Variants in TAF3 observed in about 807,000 individuals in gnomAD.
TAF3 encodes transcription initiation factor TFIID subunit 3.
TAF3 carries 7 observed loss-of-function variants against 80.6 expected under a neutral mutation model. The observed-to-expected ratio is 0.09, with a 90% CI of 0.05 to 0.16. The LOEUF (loss-of-function observed/expected upper bound fraction) is 0.16. TAF3 is among the 10% of genes least tolerant of loss of function. The pLI is 1.00. For synonymous variants in TAF3, 444 were observed against 446.1 expected, an observed-to-expected ratio of 1.00 and a Z score of 0.06; for missense variants, 921 against 1,140.2, an observed-to-expected ratio of 0.81 and a Z score of 2.77.
At chr10:7,848,240 G>A (rs1050144236) in intron 2 of TAF3, among the ~76,000 whole-genome samples, 1 of 152,080 alleles carries the variant, frequency 6.6e-6, no homozygotes, top group Non-Finnish European at 1.5e-5. Context: ...AGATTTAATG[G>A]CATTATTACA....
intron 4 of TAF3, among the ~76,000 whole-genome samples, chr10:7,990,979 C>T (rs1478293391): frequency 6.6e-6 from 1 of 152,174 alleles, no homozygotes; most frequent in Non-Finnish European, 1.5e-5. Flanking sequence ...GGCTGGGACC[C>T]AAAGCAGCTC....
At chr10:7,988,752 GAA>G (rs56395044) in intron 4 of TAF3, among the ~76,000 whole-genome samples, 57 of 92,838 alleles carry the variant, frequency 6.1e-4, no homozygotes, top group Middle Eastern at 0.011. Context: ...CTGTCTCTCA[GAA>G]AAAAAAAAAA....
At chr10:7,899,430 C>G (rs1036274840) in intron 2 of TAF3, among the ~76,000 whole-genome samples, 39 of 152,184 alleles carry the variant, frequency 2.6e-4, no homozygotes, top group Admixed American at 1.3e-4. Context: ...CAGACTCCTC[C>G]ATGATTCTGT....
At chr10:7,821,126 TA>T (rs1332977135) in intron 1 of TAF3, among the ~76,000 whole-genome samples, 1 of 152,238 alleles carries the variant, frequency 6.6e-6, no homozygotes, top group Non-Finnish European at 1.5e-5. Flanking sequence ...CTCTTCAGTG[TA>T]AACCTTGTTC....
intron 2 of TAF3, among the ~76,000 whole-genome samples, chr10:7,902,620 G>A (rs1267354232): frequency 2.0e-5 from 3 of 152,040 alleles, no homozygotes; most frequent in African/African-American, 7.3e-5. Context: ...TGGGTGCTGG[G>A]GGATGACTGT....
At chr10:7,919,321 G>C (rs944158782) in intron 2 of TAF3, among the ~76,000 whole-genome samples, 1 of 152,182 alleles carries the variant, frequency 6.6e-6, no homozygotes, top group South Asian at 2.1e-4. Context: ...GTTTGTGATG[G>C]TGAAGTGGAC....
rs1427307356 is a variant in TAF3, at chr10:7,949,561, A to G, written c.410-14359A>G. Among the ~76,000 whole-genome samples, 3 of 152,220 alleles carry G rather than the reference A, an allele frequency of 2.0e-5. 1 individual carries two copies. ...CCACTTTCATGTTGCTTTAATAACTAGAACAATGTCTTCATTTTACATAGA... is the reference window on the plus strand; with the variant it reads ...CCACTTTCATGTTGCTTTAATAACTGGAACAATGTCTTCATTTTACATAGA... On this transcript the variant is annotated intron_variant, in intron 2 of 6. Transcript: ENST00000344293.
chr10:7,968,703 C>G (rs1165453931), intron 3 of TAF3, among the ~76,000 whole-genome samples: 2 of 152,126 alleles, frequency 1.3e-5, no homozygotes, highest in East Asian at 3.9e-4. Context: ...GATTAGTAGA[C>G]TTGCCCAAGA....
intron 2 of TAF3, among the ~76,000 whole-genome samples, chr10:7,860,300 A>AG (rs1481753847): frequency 1.3e-5 from 2 of 152,100 alleles, no homozygotes; most frequent in Non-Finnish European, 2.9e-5. Context: ...GAAAAAAAAA[A>AG]AGAAAAATTC....
chr10:7,947,625 C>T (rs1298779186), intron 2 of TAF3, among the ~76,000 whole-genome samples: 1 of 152,168 alleles, frequency 6.6e-6, no homozygotes, highest in African/African-American at 2.4e-5. Flanking sequence ...AGCACTGGGG[C>T]TGCTGCGAGA....
chr10:7,864,412 T>C (rs1837188884), intron 2 of TAF3, among the ~76,000 whole-genome samples: 2 of 152,232 alleles, frequency 1.3e-5, no homozygotes, highest in African/African-American at 4.8e-5. Context: ...ATGCATTGTG[T>C]CACATAGTTA....
chr10:7,977,495 A>G (rs898139051), intron 4 of TAF3, among the ~76,000 whole-genome samples, 172 bp downstream of exon 4: 12 of 152,076 alleles, frequency 7.9e-5, no homozygotes, highest in Non-Finnish European at 1.6e-4. Context: ...TCACAGAGTA[A>G]ATGCTTTTTG....
chr10:7,868,589 C>G (rs1167133577), intron 2 of TAF3, among the ~76,000 whole-genome samples: 1 of 152,200 alleles, frequency 6.6e-6, no homozygotes, highest in African/African-American at 2.4e-5. Context: ...CCTGGAGCAG[C>G]CTGTTAGTAG....
intron 2 of TAF3, among the ~76,000 whole-genome samples, chr10:7,900,813 G>A (rs955859469): frequency 6.6e-6 from 1 of 152,090 alleles, no homozygotes; most frequent in Non-Finnish European, 1.5e-5. Context: ...TATTAAGAAG[G>A]TAAAGATTTT....
intron 3 of TAF3, among the ~76,000 whole-genome samples, chr10:7,973,473 A>G (rs982226777): frequency 6.6e-6 from 1 of 152,218 alleles, no homozygotes; most frequent in African/African-American, 2.4e-5. Flanking sequence ...CATTCTCTGA[A>G]TCAAAAAGAC....
chr10:7,998,912 C>A (rs1019134012), intron 4 of TAF3, among the ~76,000 whole-genome samples: 2 of 151,664 alleles, frequency 1.3e-5, no homozygotes, highest in African/African-American at 4.8e-5. Flanking sequence ...TCAGGTAAGG[C>A]AAATAATATT....
intron 2 of TAF3, among the ~76,000 whole-genome samples, chr10:7,927,985 G>A (rs77903493): frequency 6.6e-6 from 1 of 151,296 alleles, no homozygotes; most frequent in South Asian, 2.1e-4. Context: ...TTTTTTTTTG[G>A]AGTTCTGGAT....
At chr10:7,822,173 A>C (rs1836696205) in intron 1 of TAF3, among the ~76,000 whole-genome samples, 1 of 152,000 alleles carries the variant, frequency 6.6e-6, no homozygotes, top group South Asian at 2.1e-4. Flanking sequence ...TGAAGTGGGC[A>C]GAACTTGAGA....
intron 2 of TAF3, among the ~76,000 whole-genome samples, chr10:7,904,858 G>A (rs1837592598): frequency 1.3e-5 from 2 of 152,112 alleles, no homozygotes; most frequent in African/African-American, 4.8e-5. Context: ...CATGGAAGCT[G>A]GCTGTGCTCC....
Sources: allele counts gnomAD v4.1 joint callset (sites outside exome capture counted in the v4.1 genomes callset), GRCh38; gene constraint gnomAD v4.1.1; transcripts MANE v1.5; gene names NCBI Gene and HGNC (gene_info 2026-07-23, HGNC 2026-07-21).